The following PTPRH variants were observed in gnomAD, a reference collection of about 807,000 sequenced individuals.
PTPRH encodes receptor-type tyrosine-protein phosphatase H.
Under a neutral mutation model 130.2 loss-of-function variants are expected in PTPRH, and 113 were observed. The observed-to-expected ratio is 0.87, with a 90% CI of 0.75 to 1.01. The LOEUF (loss-of-function observed/expected upper bound fraction) is 1.01. Ranked by LOEUF, PTPRH falls within the 50% of genes least tolerant of loss-of-function variation. PTPRH has a pLI of 0.00. For missense variants in PTPRH, 1,430 were observed against 1,425.0 expected, an observed-to-expected ratio of 1.00 and a Z score of -0.06; for synonymous variants, 556 against 577.9, an observed-to-expected ratio of 0.96 and a Z score of 0.54.
Position 55,185,947 on chromosome 19 carries a change from G to A in PTPRH, c.2816C>T (p.Pro939Leu), listed in dbSNP as rs770206441. Residue 939 changes from proline to leucine, a missense_variant, in exon 17 of 20, where the codon CCC (proline) becomes CTC (leucine). Physicochemically the swap from Pro to Leu is moderately conservative, Grantham distance 98. Coordinates refer to ENST00000376350, the MANE Select transcript of PTPRH (RefSeq NM_002842.5). ...CEHYWPLDSQ[P>L]CTHGHLRVTL... ...TACCCGCAGGTGCCCATGGGTGCAG[G>A]GCTGCGAGTCCAGAGGCCAGTAATG... The A allele has an allele frequency of 1.2e-6, 2 of 1,614,078 alleles. No individual in the cohort carries two copies. Among genetic ancestry groups the A allele is most frequent in the East Asian group, 2.2e-5 (1 of 44,882 alleles).
intron 6 of PTPRH, among the ~76,000 whole-genome samples, chr19:55,201,477 T>A (rs958618855): frequency 1.3e-5 from 2 of 152,208 alleles, no homozygotes; most frequent in African/African-American, 4.8e-5. Flanking sequence ...CCGTGGAGGA[T>A]GAAGGGGGGA....
At chr19:55,190,222 T>G (rs1320824043) in intron 12 of PTPRH, among the ~76,000 whole-genome samples, 2 of 150,714 alleles carry the variant, frequency 1.3e-5, no homozygotes, top group African/African-American at 4.9e-5. Flanking sequence ...ATACAAAAAT[T>G]AGCTGGGCGT....
At chr19:55,196,320 A>C (rs2086678124) in intron 10 of PTPRH, among the ~76,000 whole-genome samples, 1 of 152,150 alleles carries the variant, frequency 6.6e-6, no homozygotes, top group South Asian at 2.1e-4. Context: ...CCCGGGAGGC[A>C]GAGGTTGCAA....
At position 55,191,567 on chromosome 19, in the gene PTPRH, G is replaced by A. The variant is rs768751444; in HGVS notation, c.2337-19C>T. On this transcript the variant is annotated intron_variant, in intron 11 of 19. Transcript: ENST00000376350. ...CTTATTCCTGGGAAAAGGACGTTAG[G>A]ATGAGAGGCTCAGGGGGTGAGGCTG... The A allele has an allele frequency of 6.2e-6, 10 of 1,613,956 alleles. No homozygotes were observed. The African/African-American group carries it at 1.2e-4, about 19-fold the overall frequency.
At chr19:55,191,992 G>A (rs2086555431) in intron 10 of PTPRH, 1 of 640,404 alleles carries the variant, frequency 1.6e-6, no homozygotes, top group African/African-American at 1.8e-5. Flanking sequence ...TCAACGCGAA[G>A]ACTACAAGGA....
rs2086528935 is a variant in PTPRH at position 55,191,353 on chromosome 19, C to T, written c.2384+148G>A. The T allele has an allele frequency of 4.5e-6, 4 of 895,768 alleles. No homozygotes were observed. The South Asian group carries it at 6.0e-5, about 13-fold the overall frequency. 55.5% of individuals were successfully genotyped at this position (895,768 alleles called of 1,614,324 possible). A position where few individuals can be genotyped will look rare whatever the true frequency, so the allele number is the denominator to read the frequency against. Reference sequence around the variant, plus strand: ...TGGGGAGTGAGTCACGATGGAAGGGCCGTGGTCCCTGTCGCAGAGGCATGG... The same window carrying T: ...TGGGGAGTGAGTCACGATGGAAGGGTCGTGGTCCCTGTCGCAGAGGCATGG... On this transcript the variant is annotated intron_variant, in intron 12 of 19. Transcript: ENST00000376350.
At position 55,181,726 on chromosome 19, in the gene PTPRH, T is replaced by C. The variant is rs765697297; in HGVS notation, c.*28A>G. 7 of 1,613,570 alleles carry C rather than the reference T, an allele frequency of 4.3e-6. No homozygotes were observed. In the Admixed American group the frequency reaches 8.3e-5, roughly 19 times the overall value. ...TGGGTGTCCAGAGCTTGAGGATGCC[T>C]GGGCTGCCGACCCAGCCCCCTCGTC... On this transcript the variant is annotated 3_prime_UTR_variant, in exon 20 of 20. Coordinates refer to ENST00000376350, the MANE Select transcript of PTPRH (RefSeq NM_002842.5).
intron 1 of PTPRH, 156 bp from the exon 2 acceptor site, chr19:55,207,355 CG>C: frequency 2.7e-6 from 2 of 751,206 alleles, no homozygotes; most frequent in Non-Finnish European, 4.3e-6. Flanking sequence ...CGACCTCGAC[CG>C]TCTTTCCTGG....
Position 55,209,410 on chromosome 19 carries a change from G to A in PTPRH, c.24C>T (p.Leu8=), listed in dbSNP as rs374758586. The A allele has an allele frequency of 2.1e-5, 33 of 1,559,492 alleles. No individual in the cohort carries two copies. In the Admixed American group the frequency reaches 2.3e-4, roughly 11 times the overall value. ...GCAGCACCAGGTTCCCCCAGACCCCGAGGCCCCCGCCAGCCCCAGCCATGC... is the reference window on the plus strand; with the variant it reads ...GCAGCACCAGGTTCCCCCAGACCCCAAGGCCCCCGCCAGCCCCAGCCATGC... MAGAGGG[L]GVWGNLVLLG... The change falls in exon 1 of 20, where the codon CTC becomes CTT. Residue 8 remains leucine, a synonymous_variant. Transcript: ENST00000376350. The surrounding 1 kb of genome is among the most constrained non-coding windows in gnomAD (Gnocchi z 4.1).
At position 55,187,355 on chromosome 19, in the gene PTPRH, AAAAAAG is replaced by A. The variant is rs1229970284; in HGVS notation, c.2566+152_2566+157del. 5.3e-3 allele frequency among the ~76,000 whole-genome samples: 602 copies of A among 113,160 alleles called. 45 individuals are homozygous for A. Among genetic ancestry groups the A allele is most frequent in the African/African-American group, 0.021 (500 of 24,300 alleles). 74.2% of individuals were successfully genotyped at this position (113,160 alleles called of 152,430 possible). ...GCGAGACTCCGTCTCAAAAAAAAAAAAAAAAGAAAAAAAGAAAAAAAAAAAAGGAAG... is the reference window on the plus strand; with the variant it reads ...GCGAGACTCCGTCTCAAAAAAAAAAAAAAAAAAGAAAAAAAAAAAAGGAAG... On this transcript the variant is annotated intron_variant, in intron 14 of 19. Coordinates refer to ENST00000376350, the MANE Select transcript of PTPRH (RefSeq NM_002842.5).
intron 14 of PTPRH, 149 bp downstream of exon 14, chr19:55,187,364 A>G (rs2086387007): frequency 5.2e-6 from 2 of 387,298 alleles, no homozygotes; most frequent in Non-Finnish European, 8.4e-6. Context: ...AAAAAAAGAA[A>G]AAAAGAAAAA....
rs56740066 is a variant in PTPRH at position 55,185,780 on chromosome 19, T to C, written c.2901+82A>G. Reference sequence around the variant, plus strand: ...GCTCCTCAGAGGAGTGGGTGGAAGGTTGGAGTTGGTGGAGGGTCCTGGATG... The same window carrying C: ...GCTCCTCAGAGGAGTGGGTGGAAGGCTGGAGTTGGTGGAGGGTCCTGGATG... On this transcript the variant is annotated intron_variant, in intron 17 of 19. Coordinates refer to ENST00000376350, the MANE Select transcript of PTPRH (RefSeq NM_002842.5). 5,159 of 1,604,920 alleles carry C rather than the reference T, an allele frequency of 3.2e-3. 155 individuals carry two copies. The African/African-American group carries it at 0.06, about 19-fold the overall frequency.
At chr19:55,200,209 C>T (rs773527386) in intron 7 of PTPRH, 27 bp downstream of exon 7, 5 of 1,611,110 alleles carry the variant, frequency 3.1e-6, no homozygotes, top group Non-Finnish European at 4.2e-6. Context: ...CTCACCAAAA[C>T]AGGGAGTGGC....
rs553108482 is a variant in PTPRH, at chr19:55,192,257, C to T, written c.2258-516G>A. Reference sequence around the variant, plus strand: ...CTCCACTAAAAATACAAAAAATTAGCAGGGCGTGGTGGTGGGCGCCTGTAG... The same window carrying T: ...CTCCACTAAAAATACAAAAAATTAGTAGGGCGTGGTGGTGGGCGCCTGTAG... On this transcript the variant is annotated intron_variant, in intron 10 of 19. Coordinates refer to ENST00000376350, the MANE Select transcript of PTPRH (RefSeq NM_002842.5). 2.7e-3 allele frequency among the ~76,000 whole-genome samples: 404 copies of T among 151,918 alleles called. 6 individuals are homozygous for T. The highest frequency in any genetic ancestry group is 9.3e-3 in the African/African-American group (387 of 41,454).
chr19:55,191,963 C>T, intron 10 of PTPRH: 1 of 657,696 alleles, frequency 1.5e-6, no homozygotes, highest in Non-Finnish European at 2.8e-6. Flanking sequence ...CTCCTACCTC[C>T]TCCTCCTCCT....
rs2087006427 is a variant in PTPRH at position 55,205,224 on chromosome 19, T to A, written c.619+102A>T. The stretch of plus-strand genomic sequence containing the variant: ...CAGGATGTGGACATGAGTACCTGGC[T>A]CAATGTGGCCCAGAGGGACTATGGA... On this transcript the variant is annotated intron_variant, in intron 4 of 19. Transcript: ENST00000376350. The A allele has an allele frequency of 3.9e-6, 6 of 1,540,356 alleles. No individual in the cohort carries two copies. In the South Asian group the frequency reaches 7.5e-5, roughly 19 times the overall value.
rs1190060866 is a variant in PTPRH at position 55,205,486 on chromosome 19, C to T, written c.459G>A (p.Gly153=). ...DGPDPQNSTY[G]VEYTGDGGRA... is the part of the protein sequence containing the mutation. ...TGCCACCATCTCCAGTGTACTCAAC[C>T]CCGTAGGTGGAGTTCTGTGGGTCTG... Residue 153 remains glycine, a synonymous_variant, in exon 4 of 20, where the codon GGG becomes GGA. Transcript: ENST00000376350. 6 of 1,614,176 alleles carry T rather than the reference C, an allele frequency of 3.7e-6. No individual in the cohort carries two copies. In the South Asian group the frequency reaches 4.4e-5, roughly 12 times the overall value.
Position 55,209,178 on chromosome 19 carries a change from G to T in PTPRH, c.51+205C>A, listed in dbSNP as rs1456480060. Among the ~76,000 whole-genome samples the T allele has an allele frequency of 6.6e-6, 1 of 151,982 alleles. No homozygotes were observed. Among genetic ancestry groups the T allele is most frequent in the Non-Finnish European group, 1.5e-5 (1 of 67,972 alleles). On this transcript the variant is annotated intron_variant, in intron 1 of 19. Coordinates refer to ENST00000376350, the MANE Select transcript of PTPRH (RefSeq NM_002842.5). This position sits in a 1 kb window ranked among gnomAD's most constrained non-coding sequence, Gnocchi z 4.1. Reference sequence around the variant, plus strand: ...ATGTCTAAGGGCCCGGGTGAAGCTGGTGTCCCCCGCAGCAGACACGACAGT... The same window carrying T: ...ATGTCTAAGGGCCCGGGTGAAGCTGTTGTCCCCCGCAGCAGACACGACAGT...
rs747775233 is a variant in PTPRH at position 55,207,221 on chromosome 19, C to G, written c.52-22G>C. The stretch of plus-strand genomic sequence containing the variant: ...GGCCCTGGAGGGAACCCAGAGAAAA[C>G]GGAGTCAGCCTCTCAACCACTCCTC... On this transcript the variant is annotated intron_variant, in intron 1 of 19. Coordinates refer to ENST00000376350, the MANE Select transcript of PTPRH (RefSeq NM_002842.5). 5 of 1,611,294 alleles carry G rather than the reference C, an allele frequency of 3.1e-6. No homozygotes were observed. In the African/African-American group the frequency reaches 6.7e-5, roughly 22 times the overall value.
Sources: gnomAD v4.1 joint callset for allele counts (sites outside exome capture counted in the v4.1 genomes callset) on GRCh38, gnomAD v4.1.1 for gene constraint, Gnocchi (gnomAD v3.1) non-coding constraint, MANE v1.5 for transcripts, NCBI Gene and HGNC (gene_info 2026-07-23, HGNC 2026-07-21) for gene names.